The following MGAM variants were observed in gnomAD, a reference collection of about 807,000 sequenced individuals.
MGAM encodes maltase-glucoamylase, also known as alpha-1,4-glucosidase.
A neutral mutation model predicts 358.8 loss-of-function variants in MGAM; 253 were observed. The observed-to-expected ratio is 0.71, with a 90% confidence interval of 0.64 to 0.78. MGAM has a LOEUF of 0.78. Ranked by LOEUF, MGAM falls within the 30% of genes least tolerant of loss-of-function variation. MGAM has a pLI of 0.00. For missense variants in MGAM, 3,080 were observed against 3,432.6 expected (o/e 0.90, Z 2.57); for synonymous variants, 1,105 against 1,227.1 (o/e 0.90, Z 2.08).
intron 65 of MGAM, among the ~76,000 whole-genome samples, 187 bp from the exon 66 acceptor site, chr7:142,097,406 G>T (rs182870551): frequency 6.6e-6 from 1 of 152,264 alleles, no homozygotes; most frequent in Admixed American, 6.5e-5. Flanking sequence ...CTTGTTTTGG[G>T]GTAGACAGAT....
chr7:142,076,417 A>G (rs1813738136), intron 46 of MGAM, 165 bp downstream of exon 46: 1 of 904,956 alleles, frequency 1.1e-6, no homozygotes, highest in South Asian at 1.3e-5. Flanking sequence ...AAAAGGAGGC[A>G]TTAATATAGC....
In MGAM at chr7:142,066,444, G is replaced by C; in HGVS notation, c.4771-129G>C. The C allele has an allele frequency of 3.7e-6, 4 of 1,094,396 alleles. 1 individual carries two copies. In the South Asian group the frequency reaches 6.0e-5, roughly 16 times the overall value. The allele number at this position is 1,094,396 out of a possible 1,614,324, so 67.8% of individuals were successfully genotyped here. On this transcript the variant is annotated intron_variant, in intron 40 of 70. Coordinates refer to ENST00000475668, the MANE Select transcript of MGAM (RefSeq NM_001365693.1). ...TTCCGGTCTATTAAGAATATTCTCT[G>C]GGCCTCATGTATAGTTTTCTTTTGT...
chr7:142,046,261 T>G (rs1810404438), intron 21 of MGAM, among the ~76,000 whole-genome samples: 1 of 151,348 alleles, frequency 6.6e-6, no homozygotes, highest in Non-Finnish European at 1.5e-5. Context: ...TGCTTGAAAA[T>G]TTTATTATCT....
At position 142,031,696 on chromosome 7, in the gene MGAM, C is replaced by T. The variant is rs782531198; in HGVS notation, c.1487C>T (p.Thr496Ile). 1 of 1,612,078 alleles carries T rather than the reference C, an allele frequency of 6.2e-7. No homozygotes were observed. The highest frequency in any genetic ancestry group is 8.5e-7 in the Non-Finnish European group (1 of 1,178,414). Residue 496 changes from threonine (T) to isoleucine (I), a missense_variant, in exon 13 of 71, where the codon ACT (threonine) becomes ATT (isoleucine). Around this residue, in one of 5 missense-constraint regions of MGAM, gnomAD observed 1,816 missense variants for 1,840.5 expected, o/e 0.99. Coordinates refer to ENST00000475668, the MANE Select transcript of MGAM (RefSeq NM_001365693.1). ...CTCCTGAAGGTCTGGCCTGGACAAA[C>T]TGTGTTTCCTGATTATACCAATCCC... ...PLIGEVWPGQ[T>I]VFPDYTNPNC... is the part of the protein sequence containing the mutation.
At chr7:142,059,067 T>C (rs909203565) in intron 31 of MGAM, among the ~76,000 whole-genome samples, 7 of 152,198 alleles carry the variant, frequency 4.6e-5, no homozygotes, top group Non-Finnish European at 1.0e-4. Context: ...TGTTTTGTAG[T>C]AGATTTACTA....
Position 142,040,813 on chromosome 7 carries a change from C to T in MGAM, c.2465C>T (p.Pro822Leu). 1 of 1,612,804 alleles carries T rather than the reference C, an allele frequency of 6.2e-7. No individual in the cohort carries two copies. Among genetic ancestry groups the T allele is most frequent in the East Asian group, 2.2e-5 (1 of 44,788 alleles). ...GLHLRGGYIF[P>L]TQQPNTTTLA... ...CACCTTCGAGGAGGCTACATCTTCC[C>T]CACACAGCAGCCAAATACAACCACT... is the stretch of plus-strand genomic sequence containing the variant. Residue 822 changes from proline (P) to leucine (L), a missense_variant, in exon 21 of 71, where the codon CCC becomes CTC. Physicochemically the swap from Pro to Leu is moderately conservative, Grantham distance 98. Around this residue, in one of 5 missense-constraint regions of MGAM, gnomAD observed 1,816 missense variants for 1,840.5 expected, o/e 0.99. Coordinates refer to ENST00000475668, the MANE Select transcript of MGAM (RefSeq NM_001365693.1).
rs1554464932 is a variant in MGAM, at chr7:142,034,252, T to G, written c.1670-10T>G. 2 of 1,562,770 alleles carry G rather than the reference T, an allele frequency of 1.3e-6. No homozygotes were observed. The highest frequency in any genetic ancestry group is 2.3e-5 in the South Asian group (2 of 85,500). On this transcript the variant is annotated splice_polypyrimidine_tract_variant and intron_variant, in intron 14 of 70. Coordinates refer to ENST00000475668, the MANE Select transcript of MGAM (RefSeq NM_001365693.1). Reference sequence around the variant, plus strand: ...TAGGCTCTCACTGATTGATCCTGCTTTTGTTTCAGGAATCCTGGATGGGTA... The same window carrying G: ...TAGGCTCTCACTGATTGATCCTGCTGTTGTTTCAGGAATCCTGGATGGGTA...
At chr7:141,993,332 T>A (rs527451940), upstream of MGAM, among the ~76,000 whole-genome samples, 1 of 152,366 alleles carries the variant, frequency 6.6e-6, no homozygotes, top group East Asian at 1.9e-4. Flanking sequence ...CTGTGGCTTT[T>A]GTAAAATTAA....
rs747861950 is a variant in MGAM, at chr7:142,076,498, C to T, written c.5326-161C>T. On this transcript the variant is annotated intron_variant, in intron 46 of 70. Transcript: ENST00000475668. ...TGATTGTATCAAATTAGAGGATTAT[C>T]AAACTAATGTTGTACTTCTTGAGCA... 4 of 879,468 alleles carry T rather than the reference C, an allele frequency of 4.5e-6. No homozygotes were observed. In the East Asian group the frequency reaches 7.4e-5, roughly 16 times the overall value. The allele number at this position is 879,468 out of a possible 1,614,324, so 54.5% of individuals were successfully genotyped here.
At chr7:142,010,342 C>T (rs1373926193) in intron 3 of MGAM, among the ~76,000 whole-genome samples, 1 of 152,092 alleles carries the variant, frequency 6.6e-6, no homozygotes, top group Non-Finnish European at 1.5e-5. Context: ...CAGCTGAACT[C>T]GTTACCTCCT....
At chr7:142,091,650 G>A (rs1196621077) in intron 57 of MGAM, among the ~76,000 whole-genome samples, 1 of 146,208 alleles carries the variant, frequency 6.8e-6, no homozygotes, top group Admixed American at 6.9e-5. Flanking sequence ...TCACTAGTTC[G>A]GGTCATTGAT....
At chr7:142,020,890 C>A in intron 4 of MGAM, 84 bp from the exon 5 acceptor site, 3 of 953,532 alleles carry the variant, frequency 3.1e-6, no homozygotes, top group Non-Finnish European at 5.0e-6. Flanking sequence ...CTGCACCCAG[C>A]CCCGTGTATC....
chr7:142,052,413 C>A lies in MGAM; in HGVS notation c.2925C>A (p.Ala975=), dbSNP rs2961085. 611,769 of 1,611,750 alleles carry A rather than the reference C, an allele frequency of 0.38. 120,426 individuals are homozygous for A. Among genetic ancestry groups the A allele is most frequent in the Admixed American group, 0.43 (25,562 of 59,674 alleles). Residue 975 remains alanine, a synonymous_variant, in exon 25 of 71, where the codon GCC becomes GCA. Coordinates refer to ENST00000475668, the MANE Select transcript of MGAM (RefSeq NM_001365693.1). ...ACCCTGATGAGAATGGTGCTTCTGC[C>A]GAAAACTGCACTGCCCGTGGCTGTA... ...DCYPDENGAS[A]ENCTARGCIW...
At chr7:142,021,308 C>G (rs1483478650) in intron 5 of MGAM, among the ~76,000 whole-genome samples, 1 of 152,126 alleles carries the variant, frequency 6.6e-6, no homozygotes, top group Non-Finnish European at 1.5e-5. Context: ...GGCTTTCATT[C>G]ATTTACTCTA....
chr7:142,097,528 G>A, intron 65 of MGAM, 65 bp from the exon 66 acceptor site: 1 of 1,473,826 alleles, frequency 6.8e-7, no homozygotes, highest in Non-Finnish European at 9.5e-7. Context: ...TCTTTCCTAA[G>A]TATTTTGGTT....
Position 142,105,607 on chromosome 7 carries a change from GC to G in MGAM, c.8185-204del, listed in dbSNP as rs1812942066. 7.2e-5 allele frequency among the ~76,000 whole-genome samples: 11 copies of G among 152,224 alleles called. No individual in the cohort carries two copies. The South Asian group carries it at 2.3e-3, about 32-fold the overall frequency. ...CCGGCCCATATTGAATTATTTAAAG[GC>G]CCATCTCTACCACTGAATAATCTTT... On this transcript the variant is annotated intron_variant, in intron 70 of 70. Coordinates refer to ENST00000475668, the MANE Select transcript of MGAM (RefSeq NM_001365693.1).
chr7:142,042,009 A>C (rs1490112493), intron 21 of MGAM, among the ~76,000 whole-genome samples: 2 of 16,124 alleles, frequency 1.2e-4, no homozygotes, highest in African/African-American at 1.7e-4. Context: ...TTATATATAT[A>C]ATATAATATA....
chr7:142,104,634 G>A (rs1816697605), intron 70 of MGAM, among the ~76,000 whole-genome samples: 1 of 151,990 alleles, frequency 6.6e-6, no homozygotes. Context: ...AATGTTTTCA[G>A]CCCATCCATT....
intron 64 of MGAM, 52 bp downstream of exon 64, chr7:142,095,765 A>C: frequency 1.3e-6 from 2 of 1,598,648 alleles, no homozygotes; most frequent in South Asian, 2.2e-5. Flanking sequence ...ATTGCATTCT[A>C]TATGGTGACA....
Sources: gnomAD v4.1 joint callset for allele counts (sites outside exome capture counted in the v4.1 genomes callset) on GRCh38, gnomAD v4.1.1 for gene constraint, gnomAD v4.1.1 regional missense constraint, MANE v1.5 for transcripts, NCBI Gene and HGNC (gene_info 2026-07-23, HGNC 2026-07-21) for gene names.